PRDM2: variants seen among roughly 807,000 people sequenced by gnomAD.
The protein encoded by PRDM2 is PR/SET domain 2.
PRDM2 carries 30 observed loss-of-function variants against 130.0 expected under a neutral mutation model. The ratio of observed to expected loss-of-function variants is 0.23; its 90% CI spans 0.17 to 0.31. The LOEUF (loss-of-function observed/expected upper bound fraction) is 0.31. Ranked by LOEUF, PRDM2 falls within the 10% of genes least tolerant of loss-of-function variation. PRDM2 has a pLI of 1.00. For missense variants in PRDM2, 2,011 were observed against 2,108.4 expected, an observed-to-expected ratio of 0.95 and a Z score of 0.90; for synonymous variants, 871 against 782.4, an observed-to-expected ratio of 1.11 and a Z score of -1.89.
At chr1:13,797,785 G>T (rs894909781) in intron 8 of PRDM2, among the ~76,000 whole-genome samples, 2 of 152,072 alleles carry the variant, frequency 1.3e-5, no homozygotes, top group Non-Finnish European at 2.9e-5. Context: ...TCTGGGGTGG[G>T]ACTTTGAAAT....
At chr1:13,785,468 A>G (rs1312950125) in intron 8 of PRDM2, among the ~76,000 whole-genome samples, 1 of 152,198 alleles carries the variant, frequency 6.6e-6, no homozygotes, top group Non-Finnish European at 1.5e-5. Flanking sequence ...TTTCAAGTAC[A>G]TGCTTGCAAT....
rs756614847 is a variant in PRDM2 at position 13,780,708 on chromosome 1, T to C, written c.2913T>C (p.Ser971=). The C allele has an allele frequency of 6.9e-6, 11 of 1,602,898 alleles. No individual in the cohort carries two copies. The highest frequency in any genetic ancestry group is 9.4e-6 in the Non-Finnish European group (11 of 1,173,374). The part of the protein sequence containing the change: ...LPPLLIPTDP[S]SPPPCPPVLT... ...CTCTCTTGATCCCCACAGATCCCTC[T>C]TCCCCTCCACCCTGTCCCCCGGTAT... Residue 971 remains serine, a synonymous_variant, in exon 8 of 10, where the codon TCT becomes TCC. Coordinates refer to ENST00000311066, the MANE Select transcript of PRDM2 (RefSeq NM_001393986.1).
chr1:13,770,353 T>C lies in PRDM2; in HGVS notation c.512-2725T>C, dbSNP rs766866418. On this transcript the variant is annotated intron_variant, in intron 6 of 9. Coordinates refer to ENST00000311066, the MANE Select transcript of PRDM2 (RefSeq NM_001393986.1). ...TTTTAGACAGTTATGTGATTTCATT[T>C]TGAGTGCATCTTAATGGTATTAAGA... 6.1e-6 allele frequency: 3 copies of C among 490,454 alleles called. No homozygotes were observed. The East Asian group carries it at 2.0e-4, about 33-fold the overall frequency. The allele number at this position is 490,454 out of a possible 1,614,324, so 30.4% of individuals were successfully genotyped here.
chr1:13,820,668 T>C (rs962313417), intron 9 of PRDM2, among the ~76,000 whole-genome samples: 1 of 151,852 alleles, frequency 6.6e-6, no homozygotes, highest in Non-Finnish European at 1.5e-5. Flanking sequence ...GTCCTGGGAG[T>C]GGGGGGTGTA....
intron 8 of PRDM2, among the ~76,000 whole-genome samples, chr1:13,813,938 C>T (rs1394875573): frequency 6.6e-6 from 1 of 152,212 alleles, no homozygotes; most frequent in Admixed American, 6.5e-5. Context: ...ATTGATCTGG[C>T]TTTTGGATAC....
chr1:13,786,522 CT>C (rs769738759), intron 8 of PRDM2: 19 of 1,610,390 alleles, frequency 1.2e-5, no homozygotes. Flanking sequence ...TAGGAACTTC[CT>C]GTAGAAAAGC....
intron 8 of PRDM2, among the ~76,000 whole-genome samples, chr1:13,785,463 A>G (rs1231628697): frequency 2.6e-5 from 4 of 152,168 alleles, no homozygotes; most frequent in Non-Finnish European, 5.9e-5. Context: ...CAGTTTTTCA[A>G]GTACATGCTT....
At chr1:13,788,240 A>G (rs1644780521) in intron 8 of PRDM2, among the ~76,000 whole-genome samples, 2 of 152,210 alleles carry the variant, frequency 1.3e-5, no homozygotes, top group East Asian at 1.9e-4. Context: ...CAGTAACTGA[A>G]TATGTGCTCA....
intron 9 of PRDM2, among the ~76,000 whole-genome samples, chr1:13,816,920 GTC>G (rs1382706084): frequency 6.6e-6 from 1 of 152,330 alleles, no homozygotes; most frequent in South Asian, 2.1e-4. Flanking sequence ...CTAGAAGAGT[GTC>G]TGTCACATAG....
At chr1:13,822,680 C>T (rs2100779022) in intron 9 of PRDM2, among the ~76,000 whole-genome samples, 1 of 152,146 alleles carries the variant, frequency 6.6e-6, no homozygotes, top group East Asian at 1.9e-4. Flanking sequence ...TCGTGAGCCA[C>T]CGCGCCTGGC....
chr1:13,726,868 A>G (rs1642933460), intron 2 of PRDM2, among the ~76,000 whole-genome samples: 1 of 152,136 alleles, frequency 6.6e-6, no homozygotes, highest in South Asian at 2.1e-4. Context: ...TGAGACAGGA[A>G]CATACTTCTA....
rs868853426 is a variant in PRDM2 at position 13,816,449 on chromosome 1, C to T, written c.5059C>T (p.Arg1687Ter). 3.7e-6 allele frequency: 6 copies of T among 1,614,142 alleles called. No individual in the cohort carries two copies. Among genetic ancestry groups the T allele is most frequent in the South Asian group, 1.1e-5 (1 of 91,076 alleles). Residue 1687 changes from arginine (R) to a stop codon, truncating the protein, a stop_gained, in exon 9 of 10, where the codon CGA (arginine) becomes TGA (stop). Transcript: ENST00000311066. LOFTEE classifies it high-confidence loss of function. ...DFSYSLRLAS[R>*]CSPPAAPYIT... ...CAGCTACAGCCTCCGCTTGGCGTCC[C>T]GATGCTCTCCACCAGCGGCCCCGTA...
chr1:13,802,785 T>C (rs1448534689), intron 8 of PRDM2, among the ~76,000 whole-genome samples: 4 of 152,244 alleles, frequency 2.6e-5, no homozygotes, highest in African/African-American at 7.2e-5. Flanking sequence ...TCACACACTT[T>C]GTGTTCGTGT....
chr1:13,770,828 C>T (rs1467713238), intron 6 of PRDM2, among the ~76,000 whole-genome samples: 3 of 152,126 alleles, frequency 2.0e-5, no homozygotes, highest in Non-Finnish European at 4.4e-5. Flanking sequence ...TGGGCTACAC[C>T]AGGAACTCTC....
At chr1:13,726,372 C>T (rs997570364) in intron 2 of PRDM2, among the ~76,000 whole-genome samples, 2 of 152,186 alleles carry the variant, frequency 1.3e-5, no homozygotes, top group African/African-American at 2.4e-5. Flanking sequence ...GGCTCCCCAG[C>T]AAGGTCAAAA....
At chr1:13,770,407 C>G (rs769022138) in intron 6 of PRDM2, 1 of 423,884 alleles carries the variant, frequency 2.4e-6, no homozygotes, top group Non-Finnish European at 4.6e-6. Flanking sequence ...AGATATAAAT[C>G]TAGACATTTT....
chr1:13,774,693 C>G (rs1189185610), intron 7 of PRDM2, among the ~76,000 whole-genome samples: 1 of 152,126 alleles, frequency 6.6e-6, no homozygotes, highest in Non-Finnish European at 1.5e-5. Context: ...ATGACACTTG[C>G]TGGCCTGGCG....
At position 13,779,446 on chromosome 1, in the gene PRDM2, G is replaced by C; in HGVS notation, c.1651G>C (p.Asp551His). The part of the protein sequence containing the change: ...STEPEEEGEA[D>H]DVYIMDISSN... Reference sequence around the variant, plus strand: ...AGAGCCGGAGGAGGAAGGGGAAGCAGATGATGTGTACATCATGGACATTTC... The same window carrying C: ...AGAGCCGGAGGAGGAAGGGGAAGCACATGATGTGTACATCATGGACATTTC... Residue 551 changes from aspartate (D) to histidine (H), a missense_variant, in exon 8 of 10, where the codon GAT becomes CAT. By Grantham distance (81) the Asp-to-His change is moderately conservative. Around this residue, in one of 5 missense-constraint regions of PRDM2, gnomAD observed 1,288 missense variants for 1,237.7 expected, o/e 1.04. Transcript: ENST00000311066. This position sits in a 1 kb window ranked among gnomAD's most constrained non-coding sequence, Gnocchi z 4.9. The C allele has an allele frequency of 6.2e-7, 1 of 1,614,216 alleles. No individual in the cohort carries two copies. The highest frequency in any genetic ancestry group is 1.6e-4 in the Middle Eastern group (1 of 6,062).
At chr1:13,741,654 T>C (rs1032483189) in intron 4 of PRDM2, among the ~76,000 whole-genome samples, 3 of 152,024 alleles carry the variant, frequency 2.0e-5, no homozygotes, top group Non-Finnish European at 4.4e-5. Context: ...AGTTGTCATT[T>C]GTCTCTGTGT....
Sources: gnomAD v4.1 joint callset for allele counts (sites outside exome capture counted in the v4.1 genomes callset) on GRCh38, gnomAD v4.1.1 for gene constraint, gnomAD v4.1.1 regional missense constraint, Gnocchi (gnomAD v3.1) non-coding constraint, MANE v1.5 for transcripts, NCBI Gene and HGNC (gene_info 2026-07-23, HGNC 2026-07-21) for gene names.